Variants in LCORL observed in about 807,000 individuals in gnomAD.
The protein encoded by LCORL is ligand dependent nuclear receptor corepressor like, also known as ligand-dependent nuclear receptor corepressor-like protein.
In LCORL, 41 loss-of-function variants were observed where a neutral mutation model predicts 141.8. The observed-to-expected ratio is 0.29, with a 90% confidence interval of 0.23 to 0.38. LCORL has a LOEUF of 0.38. Among genes scored for constraint, LCORL ranks in the 10% least tolerant of loss-of-function variants. The pLI, the probability that LCORL is intolerant of heterozygous loss-of-function variation, is 1.00. For synonymous variants in LCORL, 618 were observed against 694.1 expected (o/e 0.89, Z 1.72); for missense variants, 1,759 against 2,035.0 (o/e 0.86, Z 2.61).
At chr4:17,891,550 T>C (rs1729080937) in intron 5 of LCORL, among the ~76,000 whole-genome samples, 1 of 152,122 alleles carries the variant, frequency 6.6e-6, no homozygotes, top group Admixed American at 6.6e-5. Flanking sequence ...CCTTCACTTG[T>C]TTGAGAATTA....
At chr4:17,860,781 A>T (rs1446127380) in intron 7 of LCORL, among the ~76,000 whole-genome samples, 1 of 152,232 alleles carries the variant, frequency 6.6e-6, no homozygotes, top group African/African-American at 2.4e-5. Context: ...TTGAGTAAAT[A>T]CAGCCATTCC....
intron 2 of LCORL, among the ~76,000 whole-genome samples, chr4:17,971,705 C>A (rs990214984): frequency 6.6e-6 from 1 of 151,510 alleles, no homozygotes; most frequent in Non-Finnish European, 1.5e-5. Flanking sequence ...ACTTTAAAAG[C>A]ATTAGATTTT....
At chr4:17,846,064 C>T (rs1014366469) in intron 7 of LCORL, among the ~76,000 whole-genome samples, 163 bp from the exon 8 acceptor site, 4 of 152,140 alleles carry the variant, frequency 2.6e-5, no homozygotes, top group Admixed American at 2.0e-4. Flanking sequence ...CGCCTACTTA[C>T]TGAACTAAAT....
intron 1 of LCORL, among the ~76,000 whole-genome samples, chr4:17,992,046 C>G (rs1313130564): frequency 6.6e-6 from 1 of 152,110 alleles, no homozygotes; most frequent in African/African-American, 2.4e-5. Context: ...CGTACCATAA[C>G]GTTTTTGATA....
At chr4:18,017,639 G>C (rs1487649355) in intron 1 of LCORL, among the ~76,000 whole-genome samples, 1 of 152,116 alleles carries the variant, frequency 6.6e-6, no homozygotes, top group Non-Finnish European at 1.5e-5. Context: ...TTTTAAAAAT[G>C]TCAAGGTCAA....
Position 18,021,568 on chromosome 4 carries a change from G to A in LCORL, c.154+30C>T. 1.3e-6 allele frequency: 2 copies of A among 1,505,644 alleles called. No homozygotes were observed. Among genetic ancestry groups the A allele is most frequent in the Admixed American group, 2.3e-5 (1 of 44,014 alleles). The allele number at this position is 1,505,644 out of a possible 1,614,324, so 93.3% of individuals were successfully genotyped here. A position where few individuals can be genotyped will look rare whatever the true frequency, so the allele number is the denominator to read the frequency against. ...GCTGCGACAGCGGTCGCCGCGCGGAGCCCGGGGCCCCGGCCCGCGTCTCTC... is the reference window on the plus strand; with the variant it reads ...GCTGCGACAGCGGTCGCCGCGCGGAACCCGGGGCCCCGGCCCGCGTCTCTC... On this transcript the variant is annotated intron_variant, in intron 1 of 7. Transcript: ENST00000635767. The surrounding 1 kb of genome is among the most constrained non-coding windows in gnomAD (Gnocchi z 5.5).
intron 4 of LCORL, among the ~76,000 whole-genome samples, chr4:17,910,494 T>G (rs139737021): frequency 2.6e-5 from 4 of 152,200 alleles, no homozygotes; most frequent in African/African-American, 7.2e-5. Context: ...GTTATATGAA[T>G]AGGCTTTCTC....
At chr4:17,913,143 G>A (rs1227037838) in intron 4 of LCORL, among the ~76,000 whole-genome samples, 1 of 152,206 alleles carries the variant, frequency 6.6e-6, no homozygotes, top group Admixed American at 6.5e-5. Flanking sequence ...CATTTTGTTT[G>A]CATCCCAACT....
At chr4:17,911,775 C>A in intron 4 of LCORL, 3 of 456,322 alleles carry the variant, frequency 6.6e-6, no homozygotes, top group Admixed American at 2.7e-5. Context: ...GCGTGGCTGG[C>A]GTCTATGCAG....
At chr4:17,868,410 T>C (rs1459997153) in intron 7 of LCORL, among the ~76,000 whole-genome samples, 3 of 152,106 alleles carry the variant, frequency 2.0e-5, no homozygotes, top group African/African-American at 4.8e-5. Flanking sequence ...CTACTATTAT[T>C]ACAGGAGCTT....
At chr4:17,961,952 C>G (rs1713884147) in exon 4 of LCORL, 9 of 1,610,566 alleles carry the variant, frequency 5.6e-6, no homozygotes, top group Non-Finnish European at 7.6e-6. Context: ...GGCATTCAAT[C>G]TTATCAGTGT....
exon 7 of LCORL, chr4:17,873,963 A>G: frequency 8.1e-7 from 1 of 1,234,094 alleles, no homozygotes; most frequent in Non-Finnish European, 1.0e-6. Flanking sequence ...GAAGTCAGGC[A>G]TTACTACCCT....
At chr4:17,956,691 CAGTT>C (rs1278952547) in intron 4 of LCORL, among the ~76,000 whole-genome samples, 1 of 151,924 alleles carries the variant, frequency 6.6e-6, no homozygotes, top group Non-Finnish European at 1.5e-5. Context: ...CAAACCTACA[CAGTT>C]AGCTAGAAGG....
chr4:17,929,865 A>C (rs1181435962), intron 4 of LCORL, among the ~76,000 whole-genome samples: 1 of 152,232 alleles, frequency 6.6e-6, no homozygotes, highest in East Asian at 1.9e-4. Flanking sequence ...ATGTCTTATA[A>C]GGGTCCAATA....
At chr4:17,972,364 A>G (rs1716134188) in intron 2 of LCORL, among the ~76,000 whole-genome samples, 1 of 151,862 alleles carries the variant, frequency 6.6e-6, no homozygotes, top group South Asian at 2.1e-4. Flanking sequence ...GTGTTTCACT[A>G]AGACAAATAT....
intron 4 of LCORL, among the ~76,000 whole-genome samples, chr4:17,949,575 C>T (rs1195945560): frequency 6.6e-6 from 1 of 152,062 alleles, no homozygotes; most frequent in Non-Finnish European, 1.5e-5. Flanking sequence ...ATCCATTTTC[C>T]TTTGCTTTCT....
intron 1 of LCORL, among the ~76,000 whole-genome samples, chr4:18,017,162 C>G (rs1341161164): frequency 6.6e-6 from 1 of 151,970 alleles, no homozygotes; most frequent in Non-Finnish European, 1.5e-5. Context: ...TGGATTTAAC[C>G]ACTGAATAAA....
At chr4:17,883,697 C>T in intron 6 of LCORL, 1 of 1,501,200 alleles carries the variant, frequency 6.7e-7, no homozygotes, top group Non-Finnish European at 8.9e-7. Context: ...CACACACTCA[C>T]AAACATTTTC....
intron 7 of LCORL, among the ~76,000 whole-genome samples, chr4:17,869,044 CTTTT>C (rs571368298): frequency 5.2e-5 from 7 of 134,008 alleles, no homozygotes; most frequent in African/African-American, 1.9e-4. Flanking sequence ...TTCCCACTAC[CTTTT>C]TTTTTTTTTT....
Sources: gnomAD v4.1 joint callset for allele counts (sites outside exome capture counted in the v4.1 genomes callset) on GRCh38, gnomAD v4.1.1 for gene constraint, Gnocchi (gnomAD v3.1) non-coding constraint, MANE v1.5 for transcripts, NCBI Gene and HGNC (gene_info 2026-07-23, HGNC 2026-07-21) for gene names.